SLC41A2: variants seen among roughly 807,000 people sequenced by gnomAD.
The protein encoded by SLC41A2 is SLC41A1-like 1.
SLC41A2 carries 32 observed loss-of-function variants against 58.3 expected under a neutral mutation model. The observed-to-expected ratio is 0.55, with a 90% CI of 0.41 to 0.74. SLC41A2 has a LOEUF of 0.74. Ranked by LOEUF, SLC41A2 falls within the 30% of genes least tolerant of loss-of-function variation. The pLI, the probability that SLC41A2 is intolerant of heterozygous loss-of-function variation, is 0.00. For synonymous variants in SLC41A2, 190 were observed against 235.0 expected (o/e 0.81, Z 1.75); for missense variants, 514 against 680.6 (o/e 0.76, Z 2.72).
intron 1 of SLC41A2, among the ~76,000 whole-genome samples, chr12:104,950,286 A>G (rs1346469252): frequency 6.6e-6 from 1 of 152,190 alleles, no homozygotes; most frequent in Non-Finnish European, 1.5e-5. Flanking sequence ...TGGTTGGATC[A>G]TGGGGTTGGA....
Position 104,802,625 on chromosome 12 carries a change from T to C in SLC41A2, c.*2527A>G, listed in dbSNP as rs769005135. On this transcript the variant is annotated 3_prime_UTR_variant, in exon 11 of 11. Transcript: ENST00000258538. ...GACCTGGGCAGGGTGGTAGCAATGA[T>C]AGATTTTACAAATTAAGGCATTGTT... 2.6e-4 allele frequency: 40 copies of C among 152,186 alleles called. No individual in the cohort carries two copies. The highest frequency in any genetic ancestry group is 3.4e-4 in the African/African-American group (14 of 41,450). The allele number at this position is 152,186 out of a possible 1,614,324, so 9.4% of individuals were successfully genotyped here.
intron 6 of SLC41A2, among the ~76,000 whole-genome samples, chr12:104,872,104 A>G (rs868737809): frequency 2.3e-4 from 35 of 151,946 alleles, no homozygotes; most frequent in Non-Finnish European, 3.7e-4. Flanking sequence ...GGGGAATAAG[A>G]AGGAAAAAAA....
In SLC41A2 at chr12:104,927,563, G is replaced by A. The variant is rs1320726309; in HGVS notation, c.555+410C>T. Among the ~76,000 whole-genome samples the A allele has an allele frequency of 2.0e-5, 3 of 152,162 alleles. No individual in the cohort carries two copies. The East Asian group carries it at 5.8e-4, about 29-fold the overall frequency. On this transcript the variant is annotated intron_variant, in intron 2 of 10. Coordinates refer to ENST00000258538, the MANE Select transcript of SLC41A2 (RefSeq NM_001352171.3). ...CACAATGATAATCTCTGGAGAGGAG[G>A]AGAGTTTTGATTCGGAGATAAGGAA...
At chr12:104,926,347 T>C (rs927369223) in intron 2 of SLC41A2, among the ~76,000 whole-genome samples, 4 of 152,150 alleles carry the variant, frequency 2.6e-5, no homozygotes, top group Admixed American at 6.5e-5. Context: ...ATGCCTGTAA[T>C]CCCAGCACTT....
chr12:104,809,999 C>T (rs1044194829), intron 10 of SLC41A2, among the ~76,000 whole-genome samples: 23 of 152,108 alleles, frequency 1.5e-4, no homozygotes, highest in Non-Finnish European at 2.4e-4. Flanking sequence ...ATCTGATTGA[C>T]GGAATGCAAA....
rs143257226 is a variant in SLC41A2 at position 104,860,318 on chromosome 12, G to A, written c.1255+973C>T. Among the ~76,000 whole-genome samples, 430 of 150,998 alleles carry A rather than the reference G, an allele frequency of 2.8e-3. 2 individuals carry two copies. Among genetic ancestry groups the A allele is most frequent in the African/African-American group, 0.01 (415 of 41,116 alleles). On this transcript the variant is annotated intron_variant, in intron 8 of 10. Coordinates refer to ENST00000258538, the MANE Select transcript of SLC41A2 (RefSeq NM_001352171.3). ...AAAACTAGATGATGGGTTGATAGGT[G>A]CAGCAAACCACCATGGCAAATGTAT... is the stretch of plus-strand genomic sequence containing the variant.
chr12:104,850,412 TTGAG>T (rs2042756014), intron 8 of SLC41A2, among the ~76,000 whole-genome samples: 1 of 152,196 alleles, frequency 6.6e-6, no homozygotes. Context: ...GAAATAAAGA[TTGAG>T]TAATTCTGTT....
chr12:104,845,356 AAT>A (rs2042565731), intron 9 of SLC41A2, among the ~76,000 whole-genome samples: 2 of 152,134 alleles, frequency 1.3e-5, no homozygotes, highest in African/African-American at 4.8e-5. Context: ...AGGGAAAAAA[AAT>A]GACAAGAATT....
Position 104,802,877 on chromosome 12 carries a change from CAT to C in SLC41A2, c.*2273_*2274del, listed in dbSNP as rs1699797313. Reference sequence around the variant, plus strand: ...TTTGGTACATTTGGAGGGTCATAAACATGTCATAGAAAGAGTACTGGCATTAT... The same window carrying C: ...TTTGGTACATTTGGAGGGTCATAAACGTCATAGAAAGAGTACTGGCATTAT... On this transcript the variant is annotated 3_prime_UTR_variant, in exon 11 of 11. Coordinates refer to ENST00000258538, the MANE Select transcript of SLC41A2 (RefSeq NM_001352171.3). 4 of 152,222 alleles carry C rather than the reference CAT, an allele frequency of 2.6e-5. No homozygotes were observed. In the South Asian group the frequency reaches 8.3e-4, roughly 32 times the overall value. 9.4% of individuals were successfully genotyped at this position (152,222 alleles called of 1,614,324 possible).
intron 10 of SLC41A2, among the ~76,000 whole-genome samples, chr12:104,812,145 G>C (rs150673287): frequency 4.6e-4 from 70 of 152,328 alleles, no homozygotes; most frequent in African/African-American, 1.5e-3. Context: ...CCAGAGAGGA[G>C]AGCAGATGCT....
intron 3 of SLC41A2, among the ~76,000 whole-genome samples, chr12:104,895,893 T>C (rs1453339051): frequency 6.6e-6 from 1 of 152,188 alleles, no homozygotes; most frequent in Non-Finnish European, 1.5e-5. Flanking sequence ...TACACATCTT[T>C]CTGCTAAATG....
At chr12:104,860,860 C>T (rs1247425529) in intron 8 of SLC41A2, among the ~76,000 whole-genome samples, 1 of 152,126 alleles carries the variant, frequency 6.6e-6, no homozygotes, top group African/African-American at 2.4e-5. Context: ...CAGTCATGAG[C>T]CACTGTGCCC....
At chr12:104,920,521 GAAGA>G (rs1278729416) in intron 2 of SLC41A2, among the ~76,000 whole-genome samples, 1 of 151,800 alleles carries the variant, frequency 6.6e-6, no homozygotes, top group African/African-American at 2.4e-5. Context: ...GGATCAAGCA[GAAGA>G]AAGAGTCGGT....
intron 3 of SLC41A2, among the ~76,000 whole-genome samples, chr12:104,905,372 T>C (rs563157116): frequency 6.6e-5 from 10 of 152,308 alleles, no homozygotes; most frequent in South Asian, 4.1e-4. Flanking sequence ...AGGGTGCTGA[T>C]TGGTGTATTT....
chr12:104,878,299 TTATATATATATA>T lies in SLC41A2; in HGVS notation c.1027+7982_1027+7993del, dbSNP rs55670022. Among the ~76,000 whole-genome samples the T allele has an allele frequency of 7.2e-3, 1,008 of 139,926 alleles. 17 individuals carry two copies. Among genetic ancestry groups the T allele is most frequent in the African/African-American group, 0.025 (956 of 38,532 alleles). The allele number at this position is 139,926 out of a possible 152,430, so 91.8% of individuals were successfully genotyped here. On this transcript the variant is annotated intron_variant, in intron 6 of 10. Coordinates refer to ENST00000258538, the MANE Select transcript of SLC41A2 (RefSeq NM_001352171.3). ...AATCTGCAAATAATATACCTGTATT[TTATATATATATA>T]TATATATATATATATACATTTTTTA...
rs553575543 is a variant in SLC41A2, at chr12:104,881,172, A to C, written c.1027+5121T>G. Among the ~76,000 whole-genome samples the C allele has an allele frequency of 4.0e-5, 6 of 151,848 alleles. No homozygotes were observed. The East Asian group carries it at 5.8e-4, about 15-fold the overall frequency. The stretch of plus-strand genomic sequence containing the variant: ...GGATTGGTGGTGATATCCCCTTTAT[A>C]ATTTTTTATTGCCTCTATTTGATTC... On this transcript the variant is annotated intron_variant, in intron 6 of 10. Transcript: ENST00000258538.
At chr12:104,814,059 T>C (rs193281307) in intron 10 of SLC41A2, among the ~76,000 whole-genome samples, 3 of 152,366 alleles carry the variant, frequency 2.0e-5, no homozygotes, top group Admixed American at 6.5e-5. Flanking sequence ...TTTATGTATG[T>C]ATATGTTTCA....
chr12:104,813,233 T>C (rs1031452581), intron 10 of SLC41A2, among the ~76,000 whole-genome samples: 11 of 150,820 alleles, frequency 7.3e-5, no homozygotes, highest in African/African-American at 2.7e-4. Flanking sequence ...ACTATGCAAG[T>C]GGAAAAATAT....
intron 2 of SLC41A2, among the ~76,000 whole-genome samples, chr12:104,912,891 G>C (rs541954288): frequency 6.6e-6 from 1 of 152,280 alleles, no homozygotes; most frequent in East Asian, 1.9e-4. Context: ...CTGCAGAACT[G>C]ACTGCTTGCT....
Sources: gnomAD v4.1 joint callset for allele counts (sites outside exome capture counted in the v4.1 genomes callset) on GRCh38, gnomAD v4.1.1 for gene constraint, MANE v1.5 for transcripts, NCBI Gene and HGNC (gene_info 2026-07-23, HGNC 2026-07-21) for gene names.